The following ZBTB7C variants were observed in gnomAD, a reference collection of about 807,000 sequenced individuals.
The protein encoded by ZBTB7C is zinc finger and BTB domain containing 7C.
A neutral mutation model predicts 25.7 loss-of-function variants in ZBTB7C; 8 were observed. The ratio of observed to expected loss-of-function variants is 0.31; its 90% CI spans 0.18 to 0.56. The LOEUF is 0.56. ZBTB7C is among the 20% of genes least tolerant of loss of function. The pLI is 0.91. For missense variants in ZBTB7C, 824 were observed against 855.2 expected, an observed-to-expected ratio of 0.96 and a Z score of 0.46; for synonymous variants, 394 against 369.0, an observed-to-expected ratio of 1.07 and a Z score of -0.78.
chr18:48,103,060 G>GTA (rs986874276), intron 3 of ZBTB7C, among the ~76,000 whole-genome samples: 1 of 143,702 alleles, frequency 7.0e-6, no homozygotes. Flanking sequence ...TATATATCTT[G>GTA]TATATATATA....
chr18:48,121,521 G>C (rs2039629856), intron 3 of ZBTB7C, among the ~76,000 whole-genome samples: 1 of 151,978 alleles, frequency 6.6e-6, no homozygotes, highest in South Asian at 2.1e-4. Flanking sequence ...CCACTTCTTA[G>C]CTCCCTCTGA....
chr18:48,377,161 C>A (rs1047937694), intron 1 of ZBTB7C, among the ~76,000 whole-genome samples: 3 of 152,186 alleles, frequency 2.0e-5, no homozygotes, highest in Admixed American at 2.0e-4. Flanking sequence ...CTCCACCCCC[C>A]AACAGAGCAT....
At chr18:48,332,263 C>T (rs190437179) in intron 2 of ZBTB7C, among the ~76,000 whole-genome samples, 1 of 152,310 alleles carries the variant, frequency 6.6e-6, no homozygotes, top group African/African-American at 2.4e-5. Context: ...GGGAAGCTCC[C>T]CACTGGTCTG....
chr18:48,334,491 A>ACCCCCAGGTAG (rs2046416462), intron 2 of ZBTB7C, among the ~76,000 whole-genome samples: 1 of 152,166 alleles, frequency 6.6e-6, no homozygotes, highest in African/African-American at 2.4e-5. Context: ...CCAGGTAGGG[A>ACCCCCAGGTAG]ACTAAGAGTC....
At chr18:48,105,062 C>A (rs533906845) in intron 3 of ZBTB7C, among the ~76,000 whole-genome samples, 102 of 152,338 alleles carry the variant, frequency 6.7e-4, no homozygotes, top group African/African-American at 2.3e-3. Flanking sequence ...AGGATAGCTG[C>A]CCCCACGGGG....
intron 2 of ZBTB7C, among the ~76,000 whole-genome samples, chr18:48,269,089 T>C (rs557257913): frequency 1.8e-4 from 28 of 151,844 alleles, no homozygotes; most frequent in Middle Eastern, 3.4e-3. Context: ...GCCTCCTGAG[T>C]AGCTGGGACC....
At chr18:48,314,748 C>A (rs1278003073) in intron 2 of ZBTB7C, among the ~76,000 whole-genome samples, 2 of 152,132 alleles carry the variant, frequency 1.3e-5, no homozygotes, top group Admixed American at 1.3e-4. Flanking sequence ...CCCCACCCCT[C>A]CAGGCCAGCC....
intron 3 of ZBTB7C, among the ~76,000 whole-genome samples, chr18:48,057,904 G>A (rs915559947): frequency 1.3e-5 from 2 of 152,198 alleles, no homozygotes; most frequent in Non-Finnish European, 2.9e-5. Flanking sequence ...GGACATTAGA[G>A]GTGGCCCATG....
At chr18:48,166,197 A>G (rs540760591) in intron 3 of ZBTB7C, among the ~76,000 whole-genome samples, 1 of 84,370 alleles carries the variant, frequency 1.2e-5, no homozygotes, top group East Asian at 3.3e-4. Context: ...TTTTTCATCA[A>G]CCCAAACAAC....
intron 3 of ZBTB7C, among the ~76,000 whole-genome samples, chr18:48,174,452 A>G (rs1283190072): frequency 6.6e-6 from 1 of 152,262 alleles, no homozygotes; most frequent in Non-Finnish European, 1.5e-5. Flanking sequence ...GTCTGTTGGC[A>G]AGGTCGTGGG....
At chr18:48,412,545 T>C (rs893517690), upstream of ZBTB7C, among the ~76,000 whole-genome samples, 2 of 152,114 alleles carry the variant, frequency 1.3e-5, no homozygotes, top group African/African-American at 4.8e-5. Flanking sequence ...CATCCTCCCC[T>C]GCGATGCTGC....
intron 2 of ZBTB7C, among the ~76,000 whole-genome samples, chr18:48,196,614 C>T (rs901874033): frequency 1.3e-5 from 2 of 152,134 alleles, no homozygotes; most frequent in Non-Finnish European, 2.9e-5. Context: ...ACGGACTTAT[C>T]TCTCATTCTT....
At chr18:48,407,938 C>A (rs1291035190) in intron 1 of ZBTB7C, among the ~76,000 whole-genome samples, 2 of 152,130 alleles carry the variant, frequency 1.3e-5, no homozygotes, top group East Asian at 3.9e-4. Context: ...GCCCTGGATT[C>A]CTCAACCCCG....
At chr18:48,258,314 T>C (rs1276426591) in intron 2 of ZBTB7C, among the ~76,000 whole-genome samples, 5 of 152,170 alleles carry the variant, frequency 3.3e-5, no homozygotes, top group African/African-American at 7.2e-5. Context: ...TGATTATCTA[T>C]GTACAAAATA....
intron 2 of ZBTB7C, among the ~76,000 whole-genome samples, chr18:48,212,675 A>G (rs900898608): frequency 4.6e-5 from 7 of 152,128 alleles, no homozygotes; most frequent in Non-Finnish European, 8.8e-5. Flanking sequence ...TTATTAATAA[A>G]AAATATCTAA....
chr18:48,029,252 G>T lies in ZBTB7C; in HGVS notation c.*8C>A. On this transcript the variant is annotated 3_prime_UTR_variant, in exon 5 of 5. Transcript: ENST00000590800. ...AGGGCTGGTGGGCTGGAGCCGACAG[G>T]GACCAGCCTAGTTGTTGGCTTCGGA... 6.5e-7 allele frequency: 1 copy of T among 1,534,652 alleles called. No individual in the cohort carries two copies. Among genetic ancestry groups the T allele is most frequent in the East Asian group, 2.4e-5 (1 of 41,052 alleles).
At chr18:48,239,754 C>T (rs547720070) in intron 2 of ZBTB7C, among the ~76,000 whole-genome samples, 1 of 152,266 alleles carries the variant, frequency 6.6e-6, no homozygotes, top group East Asian at 1.9e-4. Context: ...ACATCGTCTA[C>T]CCAAATGATA....
intron 1 of ZBTB7C, among the ~76,000 whole-genome samples, chr18:48,342,289 A>G (rs1269758773): frequency 6.6e-6 from 1 of 152,254 alleles, no homozygotes; most frequent in Non-Finnish European, 1.5e-5. Context: ...CCCCCTGCCC[A>G]GAGCCCAAGT....
At chr18:48,171,347 C>G (rs757251968) in intron 3 of ZBTB7C, among the ~76,000 whole-genome samples, 33 of 152,254 alleles carry the variant, frequency 2.2e-4, no homozygotes, top group Admixed American at 7.8e-4. Flanking sequence ...ACTGGGCACT[C>G]TTTGAGGTCA....
Sources: gnomAD v4.1 joint callset for allele counts (sites outside exome capture counted in the v4.1 genomes callset) on GRCh38, gnomAD v4.1.1 for gene constraint, MANE v1.5 for transcripts, NCBI Gene and HGNC (gene_info 2026-07-23, HGNC 2026-07-21) for gene names.